The following NDE1 variants were observed in gnomAD, a reference collection of about 807,000 sequenced individuals.
The protein encoded by NDE1 is nuclear distribution protein nudE homolog 1.
Under a neutral mutation model 43.4 loss-of-function variants are expected in NDE1, and 28 were observed. That is an observed-to-expected ratio of 0.65 (90% CI 0.48 to 0.89). The LOEUF (loss-of-function observed/expected upper bound fraction) is 0.89. NDE1 is among the 40% of genes least tolerant of loss of function. The pLI, the probability that NDE1 is intolerant of heterozygous loss-of-function variation, is 0.00. For synonymous variants in NDE1, 184 were observed against 172.0 expected, an observed-to-expected ratio of 1.07 and a Z score of -0.55; for missense variants, 441 against 434.1, an observed-to-expected ratio of 1.02 and a Z score of -0.14.
intron 8 of NDE1, 182 bp downstream of exon 8, chr16:15,697,042 G>A (rs1026573073): frequency 2.0e-6 from 3 of 1,510,504 alleles, no homozygotes; most frequent in Admixed American, 2.1e-5. Flanking sequence ...TTGAACAAAG[G>A]GCTAGAGAGA....
chr16:15,658,292 T>A (rs541696352), intron 1 of NDE1, among the ~76,000 whole-genome samples: 2 of 152,256 alleles, frequency 1.3e-5, no homozygotes, highest in African/African-American at 4.8e-5. Flanking sequence ...CCTCACTGGC[T>A]TAGTATGGGT....
At chr16:15,664,058 G>C (rs1027831607) in intron 1 of NDE1, among the ~76,000 whole-genome samples, 6 of 152,068 alleles carry the variant, frequency 3.9e-5, no homozygotes, top group Non-Finnish European at 8.8e-5. Flanking sequence ...GATAGAGCAA[G>C]AGTCTGTCTC....
chr16:15,701,161 C>T (rs537232511), intron 8 of NDE1: 3 of 151,252 alleles, frequency 2.0e-5, no homozygotes, highest in East Asian at 1.9e-4. Context: ...TGCTTGGACC[C>T]GGGAGGTGGA....
chr16:15,721,537 A>C (rs757872702), intron 8 of NDE1: 1 of 1,614,224 alleles, frequency 6.2e-7, no homozygotes, highest in Non-Finnish European at 8.5e-7. Context: ...GGCCCGAGCC[A>C]GGGACAGGGC....
chr16:15,687,719 C>G lies in NDE1; in HGVS notation c.523+208C>G, dbSNP rs367894462. Among the ~76,000 whole-genome samples the G allele has an allele frequency of 2.1e-4, 32 of 152,364 alleles. 3 individuals carry two copies. The highest frequency in any genetic ancestry group is 1.6e-3 in the Admixed American group (25 of 15,300). ...GCTGAGAACAGTCAGACATCCAGCC[C>G]TGTAAGGGCCCCTTATGGGTATTTA... On this transcript the variant is annotated intron_variant, in intron 5 of 8. Coordinates refer to ENST00000396354, the MANE Select transcript of NDE1 (RefSeq NM_017668.3).
intron 8 of NDE1, chr16:15,714,869 G>A: frequency 2.5e-6 from 4 of 1,611,074 alleles, no homozygotes; most frequent in Non-Finnish European, 3.4e-6. Context: ...CTTTTCTCTG[G>A]CCTGAGAGAC....
At chr16:15,706,983 G>A (rs2039490319) in intron 8 of NDE1, among the ~76,000 whole-genome samples, 1 of 152,130 alleles carries the variant, frequency 6.6e-6, no homozygotes, top group South Asian at 2.1e-4. Flanking sequence ...AACTATACCT[G>A]TTACAGGAAC....
At chr16:15,722,598 A>G (rs1469965014) in intron 8 of NDE1, among the ~76,000 whole-genome samples, 1 of 152,248 alleles carries the variant, frequency 6.6e-6, no homozygotes, top group East Asian at 1.9e-4. Flanking sequence ...GAAGCATTGA[A>G]GATGAGCTGA....
At chr16:15,682,954 C>G (rs1014421511) in intron 4 of NDE1, among the ~76,000 whole-genome samples, 1 of 152,130 alleles carries the variant, frequency 6.6e-6, no homozygotes, top group Non-Finnish European at 1.5e-5. Context: ...GATCCACCAC[C>G]TCGGCCTCCC....
chr16:15,690,373 T>TC (rs2038690322), intron 5 of NDE1, among the ~76,000 whole-genome samples: 1 of 121,352 alleles, frequency 8.2e-6, no homozygotes, highest in Non-Finnish European at 1.7e-5. Context: ...TTTTTTTTTT[T>TC]TTTTTTTTGA....
chr16:15,710,694 T>TG (rs1017903951), intron 8 of NDE1, among the ~76,000 whole-genome samples: 5 of 151,326 alleles, frequency 3.3e-5, no homozygotes, highest in South Asian at 2.1e-4. Context: ...TTTTGTTTTT[T>TG]TTTTGGAGAC....
chr16:15,720,449 G>A, intron 8 of NDE1: 1 of 1,255,150 alleles, frequency 8.0e-7, no homozygotes, highest in Non-Finnish European at 1.1e-6. Context: ...AGTTGCAGAT[G>A]AGAAAACGGA....
At chr16:15,697,855 G>A (rs1462878450) in intron 8 of NDE1, among the ~76,000 whole-genome samples, 1 of 150,318 alleles carries the variant, frequency 6.7e-6, no homozygotes, top group African/African-American at 2.4e-5. Flanking sequence ...CGCCTAGGCT[G>A]GAGTGTAGTG....
At chr16:15,704,180 A>AT (rs1226119806) in intron 8 of NDE1, 40 of 1,603,026 alleles carry the variant, frequency 2.5e-5, no homozygotes, top group Non-Finnish European at 3.0e-5. Flanking sequence ...GTTGGGATAG[A>AT]TTTTTTATAA....
intron 8 of NDE1, chr16:15,700,240 GCAC>G: frequency 5.4e-6 from 2 of 373,316 alleles, no homozygotes; most frequent in Non-Finnish European, 7.5e-6. Flanking sequence ...GGGATTACAG[GCAC>G]CCACCACCAC....
intron 8 of NDE1, 106 bp from the exon 9 acceptor site, chr16:15,724,085 A>C: frequency 6.2e-7 from 1 of 1,603,566 alleles, no homozygotes; most frequent in East Asian, 2.2e-5. Context: ...GGCCAGAGCC[A>C]CGCGTCATAC....
At chr16:15,673,379 T>G (rs762841196) in intron 3 of NDE1, among the ~76,000 whole-genome samples, 1 of 152,020 alleles carries the variant, frequency 6.6e-6, no homozygotes, top group Non-Finnish European at 1.5e-5. Context: ...ATTTTTTGTA[T>G]TTTTGGTAGA....
chr16:15,708,547 GCA>G (rs1450846839), intron 8 of NDE1, among the ~76,000 whole-genome samples: 1 of 152,196 alleles, frequency 6.6e-6, no homozygotes, highest in Non-Finnish European at 1.5e-5. Context: ...TGATAAGGGC[GCA>G]CACTGTTGGG....
chr16:15,726,101 G>A lies in NDE1; in HGVS notation c.*1850G>A, dbSNP rs149210439. The A allele has an allele frequency of 2.7e-4, 46 of 170,972 alleles. No individual in the cohort carries two copies. In the East Asian group the frequency reaches 2.7e-3, roughly 10 times the overall value. 10.6% of individuals were successfully genotyped at this position (170,972 alleles called of 1,614,324 possible). On this transcript the variant is annotated 3_prime_UTR_variant, in exon 9 of 9. Coordinates refer to ENST00000396354, the MANE Select transcript of NDE1 (RefSeq NM_017668.3). ...TCCATGCTCCTTAGGGAAGCCTTTC[G>A]TGGCTCCTCCTCCCCCAGGTTAGGC... is the stretch of plus-strand genomic sequence containing the variant.
Sources: gnomAD v4.1 joint callset for allele counts (sites outside exome capture counted in the v4.1 genomes callset) on GRCh38, gnomAD v4.1.1 for gene constraint, MANE v1.5 for transcripts, NCBI Gene and HGNC (gene_info 2026-07-23, HGNC 2026-07-21) for gene names.